Variants in SHISA9 observed in about 807,000 individuals in gnomAD.
The protein encoded by SHISA9 is protein shisa-9.
Under a neutral mutation model 38.0 loss-of-function variants are expected in SHISA9, and 13 were observed. The observed-to-expected ratio is 0.34, with a 90% CI of 0.22 to 0.54. The LOEUF (loss-of-function observed/expected upper bound fraction) is 0.54. SHISA9 is among the 20% of genes least tolerant of loss of function. The pLI is 0.91. For synonymous variants in SHISA9, 275 were observed against 242.0 expected (o/e 1.14, Z -1.27); for missense variants, 538 against 575.8 (o/e 0.93, Z 0.67).
intron 1 of SHISA9, among the ~76,000 whole-genome samples, chr16:12,904,449 A>T (rs774751647): frequency 4.6e-5 from 7 of 152,098 alleles, no homozygotes; most frequent in Non-Finnish European, 8.8e-5. Flanking sequence ...GCCCTCTTTG[A>T]TCTGGGCGTT....
chr16:13,296,801 G>A, the SHISA9 span, among the ~76,000 whole-genome samples: 3 of 137,282 alleles, frequency 2.2e-5, no homozygotes, highest in Non-Finnish European at 4.6e-5. Context: ...TGAGGCAGGA[G>A]AATCACTTGA....
chr16:13,011,485 C>A (rs1286390096), intron 2 of SHISA9, among the ~76,000 whole-genome samples: 1 of 152,076 alleles, frequency 6.6e-6, no homozygotes, highest in Admixed American at 6.5e-5. Flanking sequence ...CTCATTTCCT[C>A]GTCCCACCCC....
the SHISA9 span, among the ~76,000 whole-genome samples, chr16:13,353,337 T>G: frequency 6.6e-6 from 1 of 152,174 alleles, no homozygotes; most frequent in African/African-American, 2.4e-5. Flanking sequence ...GTCTAAGAAT[T>G]GGGACGACTC....
At chr16:12,906,544 T>C (rs1362740421) in intron 1 of SHISA9, among the ~76,000 whole-genome samples, 1 of 152,212 alleles carries the variant, frequency 6.6e-6, no homozygotes, top group African/African-American at 2.4e-5. Context: ...TCAGTCACTA[T>C]TTATTAGAAT....
the SHISA9 span, among the ~76,000 whole-genome samples, chr16:13,473,029 T>A: frequency 6.6e-6 from 1 of 152,256 alleles, no homozygotes; most frequent in Admixed American, 6.5e-5. Context: ...CTTCTTTATA[T>A]GCCTGTTAAT....
At chr16:13,276,683 T>C in the SHISA9 span, among the ~76,000 whole-genome samples, 43,368 of 152,060 alleles carry the variant, frequency 0.29, 7,114 homozygotes, top group Admixed American at 0.42. Context: ...TTGAACATTT[T>C]TTCATATGTT....
At chr16:12,949,193 T>A (rs972540494) in intron 2 of SHISA9, among the ~76,000 whole-genome samples, 1 of 151,946 alleles carries the variant, frequency 6.6e-6, no homozygotes, top group Admixed American at 6.6e-5. Context: ...ATTATGGGAG[T>A]ACTAGCAGGA....
Position 13,107,472 on chromosome 16 carries a change from G to GACACACAC in SHISA9, c.692-95886_692-95879dup, listed in dbSNP as rs34291803. ...CAAACAAACAAACAAAAAAACAACA[G>GACACACAC]ACACACACACACACACACACACACA... On this transcript the variant is annotated intron_variant, in intron 2 of 4. Coordinates refer to ENST00000558583, the MANE Select transcript of SHISA9 (RefSeq NM_001145204.3). 3.4e-3 allele frequency among the ~76,000 whole-genome samples: 485 copies of GACACACAC among 144,434 alleles called. 4 individuals carry two copies. The highest frequency in any genetic ancestry group is 7.0e-3 in the Middle Eastern group (2 of 286). 94.8% of individuals were successfully genotyped at this position (144,434 alleles called of 152,430 possible). A position where few individuals can be genotyped will look rare whatever the true frequency, so the allele number is the denominator to read the frequency against.
At chr16:12,975,061 C>T (rs1334608814) in intron 2 of SHISA9, among the ~76,000 whole-genome samples, 1 of 152,078 alleles carries the variant, frequency 6.6e-6, no homozygotes, top group East Asian at 1.9e-4. Context: ...TTGTTGAGCA[C>T]CTGTTGTGAC....
chr16:13,089,742 C>CA (rs978871668), intron 2 of SHISA9, among the ~76,000 whole-genome samples: 3 of 151,896 alleles, frequency 2.0e-5, no homozygotes, highest in Non-Finnish European at 4.4e-5. Context: ...TTGATCTTTC[C>CA]AAAAAACCAG....
chr16:13,106,653 A>C (rs958290175), intron 2 of SHISA9, among the ~76,000 whole-genome samples: 16 of 152,268 alleles, frequency 1.1e-4, no homozygotes, highest in African/African-American at 3.6e-4. Flanking sequence ...AGAAGGCTGA[A>C]TTACCCTGAT....
At chr16:13,537,890 A>G in the SHISA9 span, among the ~76,000 whole-genome samples, 2 of 152,196 alleles carry the variant, frequency 1.3e-5, no homozygotes, top group Non-Finnish European at 2.9e-5. Flanking sequence ...AGAAGAAACT[A>G]TGTCAAAATA....
At chr16:13,398,062 C>T in the SHISA9 span, among the ~76,000 whole-genome samples, 1 of 152,206 alleles carries the variant, frequency 6.6e-6, no homozygotes, top group Non-Finnish European at 1.5e-5. Context: ...CCTGCTGTGG[C>T]ATCTGTCGGT....
At chr16:13,073,865 T>C (rs75917116) in intron 2 of SHISA9, among the ~76,000 whole-genome samples, 9,021 of 152,006 alleles carry the variant, frequency 0.059, 405 homozygotes, top group Admixed American at 0.14. Context: ...GGACAGGTTC[T>C]CCTGCAGCGC....
the SHISA9 span, among the ~76,000 whole-genome samples, chr16:13,504,347 A>C: frequency 6.6e-6 from 1 of 152,076 alleles, no homozygotes; most frequent in Non-Finnish European, 1.5e-5. Context: ...CAACTAACTG[A>C]TTTTCTTTTC....
chr16:13,135,431 G>A (rs889575663), intron 2 of SHISA9, among the ~76,000 whole-genome samples: 1 of 152,116 alleles, frequency 6.6e-6, no homozygotes, highest in African/African-American at 2.4e-5. Context: ...GTCTTTCCAG[G>A]GCAGCCAACA....
At chr16:13,447,871 A>T in the SHISA9 span, among the ~76,000 whole-genome samples, 2 of 152,256 alleles carry the variant, frequency 1.3e-5, no homozygotes, top group African/African-American at 2.4e-5. Flanking sequence ...ATGCATTTGC[A>T]ACAAAAATTA....
chr16:13,105,371 C>T (rs1035201050), intron 2 of SHISA9, among the ~76,000 whole-genome samples: 6 of 152,220 alleles, frequency 3.9e-5, no homozygotes, highest in African/African-American at 1.2e-4. Context: ...CAAGTGGGTC[C>T]TGTCTGGACC....
chr16:13,433,866 G>A, the SHISA9 span, among the ~76,000 whole-genome samples: 1 of 152,156 alleles, frequency 6.6e-6, no homozygotes, highest in Admixed American at 6.5e-5. Context: ...TTGTCAGCTT[G>A]GTGATATTGC....
Sources: gnomAD v4.1 joint callset for allele counts (sites outside exome capture counted in the v4.1 genomes callset) on GRCh38, gnomAD v4.1.1 for gene constraint, MANE v1.5 for transcripts, NCBI Gene and HGNC (gene_info 2026-07-23, HGNC 2026-07-21) for gene names.